The following PIP5K1C variants were observed in gnomAD, a reference collection of about 807,000 sequenced individuals.
PIP5K1C encodes the protein phosphatidylinositol-4-phosphate 5-kinase type 1 gamma.
Under a neutral mutation model 80.1 loss-of-function variants are expected in PIP5K1C, and 45 were observed. The ratio of observed to expected loss-of-function variants is 0.56; its 90% CI spans 0.44 to 0.72. PIP5K1C has a LOEUF of 0.72. PIP5K1C is among the 30% of genes least tolerant of loss of function. The probability of loss-of-function intolerance (pLI) is 0.00; values close to 1 mark genes in which losing one functional copy is unlikely to be tolerated. For missense variants in PIP5K1C, 753 were observed against 954.6 expected, an observed-to-expected ratio of 0.79 and a Z score of 2.78; for synonymous variants, 498 against 420.1, an observed-to-expected ratio of 1.19 and a Z score of -2.27.
At chr19:3,657,217 G>A (rs755110644) in intron 5 of PIP5K1C, among the ~76,000 whole-genome samples, 9 of 152,086 alleles carry the variant, frequency 5.9e-5, no homozygotes, top group African/African-American at 1.7e-4. Context: ...TGATGTGCTC[G>A]CTGTCTCTCT....
At chr19:3,697,672 G>A (rs1275730485) in intron 1 of PIP5K1C, among the ~76,000 whole-genome samples, 2 of 152,144 alleles carry the variant, frequency 1.3e-5, no homozygotes, top group Non-Finnish European at 2.9e-5. Context: ...ACCTTTCCAG[G>A]GCATCACAGA....
intron 1 of PIP5K1C, among the ~76,000 whole-genome samples, chr19:3,682,738 C>A (rs776897476): frequency 6.6e-6 from 1 of 152,070 alleles, no homozygotes; most frequent in Non-Finnish European, 1.5e-5. Context: ...CTCTTGGAAG[C>A]GGCTCCTCCA....
chr19:3,636,302 C>T, intron 16 of PIP5K1C: 1 of 842,262 alleles, frequency 1.2e-6, no homozygotes, highest in African/African-American at 1.8e-5. Context: ...ACCGGGTGAC[C>T]CCAGGAAGAC....
intron 17 of PIP5K1C, 99 bp downstream of exon 17, chr19:3,633,337 GC>G: frequency 1.1e-6 from 1 of 928,772 alleles, no homozygotes; most frequent in Non-Finnish European, 1.6e-6. Flanking sequence ...GTGCCCTCCC[GC>G]CCCGGGCCTC....
chr19:3,633,666 CCT>C, intron 16 of PIP5K1C, 146 bp from the exon 17 acceptor site: 3 of 505,248 alleles, frequency 5.9e-6, no homozygotes, highest in Middle Eastern at 5.1e-4. Context: ...GCCCAGCTGC[CCT>C]CTCTGACCCG....
At position 3,658,391 on chromosome 19, in the gene PIP5K1C, G is replaced by A. The variant is rs150224417; in HGVS notation, c.469-1834C>T. Among the ~76,000 whole-genome samples, 683 of 152,276 alleles carry A rather than the reference G, an allele frequency of 4.5e-3. 3 individuals carry two copies. The highest frequency in any genetic ancestry group is 0.015 in the African/African-American group (642 of 41,564). On this transcript the variant is annotated intron_variant, in intron 5 of 17. Coordinates refer to ENST00000335312, the MANE Select transcript of PIP5K1C (RefSeq NM_012398.3). ...GAGATCTGTCCAGGCCACTGCTGTC[G>A]CCCAGCCCAGCCATCTGCCTGCCTT...
At position 3,699,338 on chromosome 19, in the gene PIP5K1C, G is replaced by T. The variant is rs577936982; in HGVS notation, c.94+959C>A. On this transcript the variant is annotated intron_variant, in intron 1 of 17. Transcript: ENST00000335312. ...ACGAGTGTCTTTCAAGGCGGGGGGTGGGGGGGGGACTTGATGACTTCCACA... is the reference window on the plus strand; with the variant it reads ...ACGAGTGTCTTTCAAGGCGGGGGGTTGGGGGGGGACTTGATGACTTCCACA... Among the ~76,000 whole-genome samples the T allele has an allele frequency of 1.3e-3, 191 of 145,028 alleles. 2 individuals are homozygous for T. Among genetic ancestry groups the T allele is most frequent in the African/African-American group, 4.7e-3 (180 of 38,490 alleles).
chr19:3,657,388 G>A (rs557036558), intron 5 of PIP5K1C, among the ~76,000 whole-genome samples: 7 of 152,204 alleles, frequency 4.6e-5, no homozygotes, highest in Non-Finnish European at 8.8e-5. Context: ...AATGAAGTGT[G>A]CATGGGGCTA....
chr19:3,634,394 C>T (rs1230067485), intron 16 of PIP5K1C, among the ~76,000 whole-genome samples: 1 of 152,040 alleles, frequency 6.6e-6, no homozygotes, highest in Non-Finnish European at 1.5e-5. Context: ...CCTCCTCTCT[C>T]TCGGGCCTCT....
intron 1 of PIP5K1C, among the ~76,000 whole-genome samples, chr19:3,691,464 G>A (rs922141657): frequency 5.3e-5 from 8 of 152,070 alleles, no homozygotes; most frequent in Non-Finnish European, 1.2e-4. Context: ...AAACTCTCAC[G>A]CGCCACGCCC....
At chr19:3,633,339 C>T (rs1411258933) in intron 17 of PIP5K1C, 98 bp downstream of exon 17, 15 of 962,346 alleles carry the variant, frequency 1.6e-5, no homozygotes, top group Non-Finnish European at 2.3e-5. Flanking sequence ...GCCCTCCCGC[C>T]CCGGGCCTCA....
chr19:3,661,119 T>C (rs1600004105), intron 4 of PIP5K1C, 36 bp from the exon 5 acceptor site: 1 of 1,440,748 alleles, frequency 6.9e-7, no homozygotes, highest in Non-Finnish European at 9.8e-7. Flanking sequence ...CTGTGAGGGG[T>C]GGTGGGCACC....
chr19:3,641,853 C>T (rs1169055970), intron 14 of PIP5K1C, 44 bp from the exon 15 acceptor site: 2 of 1,494,998 alleles, frequency 1.3e-6, no homozygotes, highest in Non-Finnish European at 1.8e-6. Flanking sequence ...CTCCTCACTT[C>T]CCCCATCCTA....
intron 1 of PIP5K1C, among the ~76,000 whole-genome samples, chr19:3,667,718 C>G (rs1483427251): frequency 6.6e-6 from 1 of 152,096 alleles, no homozygotes. Flanking sequence ...GAGCAAACCT[C>G]CCCCGGCTCT....
At chr19:3,662,223 CAG>C (rs2034857520) in intron 3 of PIP5K1C, among the ~76,000 whole-genome samples, 1 of 152,244 alleles carries the variant, frequency 6.6e-6, no homozygotes, top group African/African-American at 2.4e-5. Context: ...ACAGCCAGGA[CAG>C]GGCTCGGCTG....
Position 3,645,980 on chromosome 19 carries a change from T to G in PIP5K1C, c.1339A>C (p.Asn447His). The stretch of plus-strand genomic sequence containing the variant: ...CGGGGCTCAGGTGGCTTACAGGAGT[T>G]CTTCCGAAAGACCGTGTTGCTCATG... ...KFMSNTVFRK[N>H]SSLKSSPSKK... Residue 447 changes from asparagine (N) to histidine (H), a missense_variant, in exon 11 of 18, where the codon AAC (asparagine) becomes CAC (histidine). Asn to His is a moderately conservative substitution (Grantham distance 68). Coordinates refer to ENST00000335312, the MANE Select transcript of PIP5K1C (RefSeq NM_012398.3). 1 of 1,613,120 alleles carries G rather than the reference T, an allele frequency of 6.2e-7. No individual in the cohort carries two copies. The highest frequency in any genetic ancestry group is 8.5e-7 in the Non-Finnish European group (1 of 1,179,636).
chr19:3,678,715 G>C (rs952368111), intron 1 of PIP5K1C, among the ~76,000 whole-genome samples: 6 of 135,716 alleles, frequency 4.4e-5, no homozygotes, highest in African/African-American at 1.7e-4. Flanking sequence ...GGGAGGGATG[G>C]AGGGATGGCG....
intron 1 of PIP5K1C, among the ~76,000 whole-genome samples, chr19:3,686,846 G>C (rs1317162040): frequency 6.6e-6 from 1 of 151,934 alleles, no homozygotes; most frequent in Non-Finnish European, 1.5e-5. Context: ...TGTGACCTTG[G>C]ATTAGGCAAC....
intron 1 of PIP5K1C, among the ~76,000 whole-genome samples, chr19:3,680,309 T>A (rs2035548781): frequency 6.6e-6 from 1 of 152,170 alleles, no homozygotes; most frequent in Admixed American, 6.5e-5. Context: ...CAACTGTCTT[T>A]TCTTTTTTCT....
Sources: gnomAD v4.1 joint callset for allele counts (sites outside exome capture counted in the v4.1 genomes callset) on GRCh38, gnomAD v4.1.1 for gene constraint, MANE v1.5 for transcripts, NCBI Gene and HGNC (gene_info 2026-07-23, HGNC 2026-07-21) for gene names.